GPHN: variants seen among roughly 807,000 people sequenced by gnomAD.
GPHN encodes the protein gephyrin.
GPHN carries 17 observed loss-of-function variants against 95.5 expected under a neutral mutation model. That is an observed-to-expected ratio of 0.18 (90% CI 0.12 to 0.27). GPHN has a LOEUF of 0.27. GPHN is among the 10% of genes least tolerant of loss of function. The pLI, the probability that GPHN is intolerant of heterozygous loss-of-function variation, is 1.00. For missense variants in GPHN, 660 were observed against 978.1 expected (o/e 0.67, Z 4.34); for synonymous variants, 320 against 322.5 (o/e 0.99, Z 0.08).
chr14:67,052,959 C>T (rs925857020), intron 10 of GPHN, among the ~76,000 whole-genome samples: 4 of 151,484 alleles, frequency 2.6e-5, no homozygotes, highest in Admixed American at 2.6e-4. Context: ...GTTAAGAGGG[C>T]AAGTTATAGC....
chr14:67,681,541 G>C, the GPHN span, among the ~76,000 whole-genome samples: 2 of 152,164 alleles, frequency 1.3e-5, no homozygotes, highest in East Asian at 3.8e-4. Context: ...CCAGCACTTT[G>C]GGAGGCCGAG....
At chr14:66,828,137 T>G (rs2061447148) in intron 4 of GPHN, among the ~76,000 whole-genome samples, 1 of 151,900 alleles carries the variant, frequency 6.6e-6, no homozygotes, top group Non-Finnish European at 1.5e-5. Context: ...CACTTCATAT[T>G]TTATATGTAT....
At chr14:67,592,798 AT>A in the GPHN span, 1 of 926,380 alleles carries the variant, frequency 1.1e-6, no homozygotes, top group South Asian at 1.5e-5. Flanking sequence ...TTATTTATTT[AT>A]TTTTGAGACA....
At chr14:67,167,010 T>C (rs1201949911) in intron 20 of GPHN, among the ~76,000 whole-genome samples, 2 of 152,212 alleles carry the variant, frequency 1.3e-5, no homozygotes, top group African/African-American at 4.8e-5. Flanking sequence ...TCTGCTTTCC[T>C]GTAGGCCATG....
At chr14:67,472,035 A>G in the GPHN span, 2 of 152,322 alleles carry the variant, frequency 1.3e-5, no homozygotes, top group South Asian at 4.1e-4. Context: ...CACAGGACAA[A>G]GTGGGGCAGG....
intron 17 of GPHN, among the ~76,000 whole-genome samples, chr14:67,124,149 T>C (rs995608267): frequency 1.3e-5 from 2 of 152,210 alleles, no homozygotes; most frequent in East Asian, 3.8e-4. Flanking sequence ...CTCACACCTG[T>C]AATCCCAGCA....
chr14:67,241,838 G>A, the GPHN span: 22,526 of 151,970 alleles, frequency 0.15, 3,131 homozygotes, highest in East Asian at 0.42. Flanking sequence ...TGCAGGGGGC[G>A]CGGCGGGGAG....
the GPHN span, among the ~76,000 whole-genome samples, chr14:67,229,903 G>C: frequency 6.6e-6 from 1 of 152,114 alleles, no homozygotes; most frequent in East Asian, 1.9e-4. Context: ...ACAGCCTAGG[G>C]AATTCCTCCT....
chr14:67,072,112 T>C (rs1301116808), intron 11 of GPHN, among the ~76,000 whole-genome samples: 4 of 152,178 alleles, frequency 2.6e-5, no homozygotes, highest in Non-Finnish European at 5.9e-5. Flanking sequence ...AAATTCTGTA[T>C]CTATTTTGAA....
intron 9 of GPHN, among the ~76,000 whole-genome samples, chr14:67,003,569 T>C (rs1208479739): frequency 6.6e-6 from 1 of 151,660 alleles, no homozygotes; most frequent in East Asian, 1.9e-4. Context: ...CTCATTGTAG[T>C]GGAAGGTAAA....
chr14:66,880,119 T>A, intron 5 of GPHN, 86 bp downstream of exon 5: 2 of 837,780 alleles, frequency 2.4e-6, no homozygotes, highest in Non-Finnish European at 4.1e-6. Context: ...TTGGCATTGT[T>A]GTGAATATTA....
At chr14:67,302,449 AG>A in the GPHN span, 2 of 1,598,990 alleles carry the variant, frequency 1.3e-6, no homozygotes, top group Non-Finnish European at 1.7e-6. Flanking sequence ...TGTCATCATT[AG>A]CCGGATAGTA....
At chr14:67,289,899 T>G in the GPHN span, among the ~76,000 whole-genome samples, 1 of 151,370 alleles carries the variant, frequency 6.6e-6, no homozygotes, top group African/African-American at 2.4e-5. Flanking sequence ...GCCTCTCGAG[T>G]AGCTGGGACT....
At chr14:66,823,602 G>C (rs2153492267) in intron 3 of GPHN, among the ~76,000 whole-genome samples, 1 of 152,092 alleles carries the variant, frequency 6.6e-6, no homozygotes, top group East Asian at 1.9e-4. Context: ...TTCATTTGGA[G>C]CTCTGAGCTC....
chr14:67,636,928 C>G, the GPHN span, among the ~76,000 whole-genome samples: 2 of 152,212 alleles, frequency 1.3e-5, no homozygotes, highest in African/African-American at 4.8e-5. Context: ...CCTGGACTTA[C>G]AGATGAATTG....
At chr14:66,921,246 A>G (rs1046607107) in intron 6 of GPHN, among the ~76,000 whole-genome samples, 4 of 152,174 alleles carry the variant, frequency 2.6e-5, no homozygotes, top group Admixed American at 2.0e-4. Flanking sequence ...TACCGCATCC[A>G]TGCCAACATC....
At chr14:66,860,598 A>T (rs1472081696) in intron 4 of GPHN, among the ~76,000 whole-genome samples, 1 of 152,030 alleles carries the variant, frequency 6.6e-6, no homozygotes, top group East Asian at 1.9e-4. Context: ...AGAATATTTT[A>T]AGACTGTGAT....
chr14:67,672,874 G>A, the GPHN span, among the ~76,000 whole-genome samples: 2 of 152,138 alleles, frequency 1.3e-5, no homozygotes, highest in East Asian at 1.9e-4. Flanking sequence ...ACATGATCTG[G>A]CCCTGCTTAT....
chr14:67,173,849 CAG>C (rs1165068602), intron 21 of GPHN, among the ~76,000 whole-genome samples: 1 of 150,896 alleles, frequency 6.6e-6, no homozygotes, highest in Non-Finnish European at 1.5e-5. Context: ...AGAAATTCAG[CAG>C]AGTTAGGAAT....
Sources: allele counts gnomAD v4.1 joint callset (sites outside exome capture counted in the v4.1 genomes callset), GRCh38; gene constraint gnomAD v4.1.1; transcripts MANE v1.5; gene names NCBI Gene and HGNC (gene_info 2026-07-23, HGNC 2026-07-21).